Variants in VPS13A observed in about 807,000 individuals in gnomAD.
VPS13A encodes the protein vacuolar protein sorting 13 homolog A.
A neutral mutation model predicts 390.9 loss-of-function variants in VPS13A; 264 were observed. The ratio of observed to expected loss-of-function variants is 0.68; its 90% CI spans 0.61 to 0.75. VPS13A has a LOEUF of 0.75. Among genes scored for constraint, VPS13A ranks in the 30% least tolerant of loss-of-function variants. The probability of loss-of-function intolerance (pLI) is 0.00; values close to 1 mark genes in which losing one functional copy is unlikely to be tolerated. For missense variants in VPS13A, 3,409 were observed against 3,733.9 expected (o/e 0.91, Z 2.27); for synonymous variants, 1,231 against 1,227.1 (o/e 1.00, Z -0.07).
chr9:77,414,003 G>A (rs1408288086), intron 71 of VPS13A, among the ~76,000 whole-genome samples: 1 of 152,162 alleles, frequency 6.6e-6, no homozygotes, highest in Admixed American at 6.5e-5. Context: ...TCACATCACT[G>A]GCCATCAGAG....
chr9:77,186,382 ATCTGAGT>A (rs1430008383), intron 1 of VPS13A, among the ~76,000 whole-genome samples: 5 of 152,160 alleles, frequency 3.3e-5, no homozygotes, highest in African/African-American at 1.2e-4. Context: ...GCTCCTGTGA[ATCTGAGT>A]TTTTGGTTTA....
rs1400880109 is a variant in VPS13A at position 77,307,967 on chromosome 9, T to C, written c.3983T>C (p.Ile1328Thr). Reference sequence around the variant, plus strand: ...CAGTTCATTCTTAGTCAAGAAGATATAACAACTATTTTTAAAACATTGCAT... The same window carrying C: ...CAGTTCATTCTTAGTCAAGAAGATACAACAACTATTTTTAAAACATTGCAT... Reference protein sequence around the residue: ...PMEFILSQEDITTIFKTLHGN... With the variant: ...PMEFILSQEDTTTIFKTLHGN... The change falls in exon 35 of 72, where the codon ATA (isoleucine) becomes ACA (threonine). Residue 1328 changes from isoleucine to threonine, a missense_variant. By Grantham distance (89) the Ile-to-Thr change is moderately conservative. Around this residue, in one of 5 missense-constraint regions of VPS13A, gnomAD observed 2,717 missense variants for 2,917.4 expected, o/e 0.93. Transcript: ENST00000360280. 5.0e-6 allele frequency: 8 copies of C among 1,594,228 alleles called. No homozygotes were observed. The highest frequency in any genetic ancestry group is 1.3e-5 in the African/African-American group (1 of 74,654).
chr9:77,210,679 T>G lies in VPS13A; in HGVS notation c.555+4T>G, dbSNP rs753300394. The G allele has an allele frequency of 6.2e-6, 10 of 1,613,356 alleles. No individual in the cohort carries two copies. Among genetic ancestry groups the G allele is most frequent in the East Asian group, 4.5e-5 (2 of 44,872 alleles). ...CCTTCAAAATCTGAGCATGCAGGTATTTTGTTTATAAAAGAATCTTAACCA... is the reference window on the plus strand; with the variant it reads ...CCTTCAAAATCTGAGCATGCAGGTAGTTTGTTTATAAAAGAATCTTAACCA... On this transcript the variant is annotated splice_donor_region_variant and intron_variant, in intron 7 of 71. Coordinates refer to ENST00000360280, the MANE Select transcript of VPS13A (RefSeq NM_033305.3).
chr9:77,295,836 C>T lies in VPS13A; in HGVS notation c.3802C>T (p.Arg1268Ter), dbSNP rs868638442. 3.7e-6 allele frequency: 6 copies of T among 1,613,362 alleles called. No homozygotes were observed. The African/African-American group carries it at 4.0e-5, about 11-fold the overall frequency. ...GATAACAATAAAGCTGAGTGAAATGCGACTATACAGGTAAGCTTTTCACAA... is the reference window on the plus strand; with the variant it reads ...GATAACAATAAAGCTGAGTGAAATGTGACTATACAGGTAAGCTTTTCACAA... Reference protein sequence around the residue: ...DLITIKLSEMRLYRSRFINDA... With the variant: ...DLITIKLSEM Residue 1268 changes from arginine (R) to a stop codon, truncating the protein, a stop_gained, in exon 33 of 72, where the codon CGA becomes TGA. Coordinates refer to ENST00000360280, the MANE Select transcript of VPS13A (RefSeq NM_033305.3). LOFTEE classifies it high-confidence loss of function.
intron 59 of VPS13A, among the ~76,000 whole-genome samples, chr9:77,362,374 C>A (rs946327560): frequency 2.6e-5 from 4 of 152,234 alleles, no homozygotes; most frequent in African/African-American, 9.6e-5. Context: ...ATCCAGTTGT[C>A]CTATTACCAT....
rs528430538 is a variant in VPS13A at position 77,237,111 on chromosome 9, A to C, written c.1596-891A>C. 2.4e-4 allele frequency among the ~76,000 whole-genome samples: 36 copies of C among 152,020 alleles called. 1 individual carries two copies. The South Asian group carries it at 6.9e-3, about 29-fold the overall frequency. ...CACCATGTTGGCCAGGATGGTCTCGATCTCTTGACCTCGTGATCCGCCTGC... is the reference window on the plus strand; with the variant it reads ...CACCATGTTGGCCAGGATGGTCTCGCTCTCTTGACCTCGTGATCCGCCTGC... On this transcript the variant is annotated intron_variant, in intron 17 of 71. Coordinates refer to ENST00000360280, the MANE Select transcript of VPS13A (RefSeq NM_033305.3).
rs554972340 is a variant in VPS13A, at chr9:77,346,735, C to T, written c.7289+1593C>T. ...ATGAGAATCCAATTTTATTCTTCTA[C>T]ATGTGGCTTGCCCACGATCCCAGTA... On this transcript the variant is annotated intron_variant, in intron 52 of 71. Coordinates refer to ENST00000360280, the MANE Select transcript of VPS13A (RefSeq NM_033305.3). Among the ~76,000 whole-genome samples the T allele has an allele frequency of 2.0e-5, 3 of 152,342 alleles. No individual in the cohort carries two copies. In the East Asian group the frequency reaches 5.8e-4, roughly 29 times the overall value.
chr9:77,310,902 A>C (rs539968950), intron 35 of VPS13A, among the ~76,000 whole-genome samples: 183 of 152,154 alleles, frequency 1.2e-3, no homozygotes, highest in Non-Finnish European at 2.1e-3. Context: ...TAATGAACCC[A>C]CATGTACTCA....
At chr9:77,300,931 A>G (rs1828310019) in intron 33 of VPS13A, among the ~76,000 whole-genome samples, 1 of 152,246 alleles carries the variant, frequency 6.6e-6, no homozygotes, top group African/African-American at 2.4e-5. Context: ...AGATGAACAT[A>G]GTTCCTGCCC....
intron 58 of VPS13A, 86 bp downstream of exon 58, chr9:77,359,488 A>C: frequency 8.6e-6 from 10 of 1,159,312 alleles, no homozygotes; most frequent in Non-Finnish European, 1.2e-5. Flanking sequence ...ATGTTGGACA[A>C]GTCAAAGATT....
At chr9:77,342,546 TTCTC>T (rs1437995289) in intron 50 of VPS13A, among the ~76,000 whole-genome samples, 1 of 152,172 alleles carries the variant, frequency 6.6e-6, no homozygotes, top group Non-Finnish European at 1.5e-5. Flanking sequence ...TAGTGACACA[TTCTC>T]TTTCTGATGG....
At chr9:77,262,217 G>A (rs1288522052) in intron 23 of VPS13A, among the ~76,000 whole-genome samples, 2 of 151,206 alleles carry the variant, frequency 1.3e-5, no homozygotes, top group African/African-American at 2.4e-5. Flanking sequence ...AGGCAGAAGC[G>A]TTTTATTTTT....
intron 71 of VPS13A, among the ~76,000 whole-genome samples, chr9:77,414,105 A>G (rs1158254495): frequency 1.3e-5 from 2 of 152,202 alleles, no homozygotes; most frequent in Non-Finnish European, 2.9e-5. Context: ...GCTGGAGAGG[A>G]TGTGGAGAAA....
intron 19 of VPS13A, among the ~76,000 whole-genome samples, chr9:77,243,871 A>G (rs1004789885): frequency 1.3e-5 from 2 of 152,200 alleles, no homozygotes; most frequent in African/African-American, 4.8e-5. Flanking sequence ...TAATTTTGAT[A>G]GGTATGTTTA....
intron 61 of VPS13A, among the ~76,000 whole-genome samples, 189 bp downstream of exon 61, chr9:77,367,061 A>G (rs1832471767): frequency 6.6e-6 from 1 of 152,238 alleles, no homozygotes; most frequent in African/African-American, 2.4e-5. Context: ...TTGCTAAATT[A>G]CAGAATTATT....
rs183474739 is a variant in VPS13A at position 77,189,736 on chromosome 9, A to G, written c.101-10209A>G. ...ATTTTGATTCTTCCTGTCTATGAGC[A>G]TGGAATGTTTTTCCATTTGTTTGTG... On this transcript the variant is annotated intron_variant, in intron 1 of 71. Coordinates refer to ENST00000360280, the MANE Select transcript of VPS13A (RefSeq NM_033305.3). 4.8e-3 allele frequency among the ~76,000 whole-genome samples: 733 copies of G among 152,272 alleles called. 6 individuals carry two copies. The highest frequency in any genetic ancestry group is 4.5e-3 in the Non-Finnish European group (304 of 68,018).
intron 1 of VPS13A, among the ~76,000 whole-genome samples, chr9:77,182,401 A>G (rs1824076508): frequency 6.6e-6 from 1 of 152,140 alleles, no homozygotes; most frequent in South Asian, 2.1e-4. Context: ...GCCATTTCAC[A>G]TATTTTCTTT....
At chr9:77,220,166 A>G (rs770695733) in intron 11 of VPS13A, 85 bp downstream of exon 11, 44 of 1,512,602 alleles carry the variant, frequency 2.9e-5, no homozygotes, top group Middle Eastern at 1.9e-4. Flanking sequence ...ACTAAAATTC[A>G]TGATGTTATA....
At chr9:77,280,618 A>G (rs12351626) in intron 27 of VPS13A, among the ~76,000 whole-genome samples, 6,240 of 152,200 alleles carry the variant, frequency 0.041, 208 homozygotes, top group African/African-American at 0.092. Flanking sequence ...CCTAGGGTCA[A>G]TAACTCCATT....
Sources: allele counts gnomAD v4.1 joint callset (sites outside exome capture counted in the v4.1 genomes callset), GRCh38; gene constraint gnomAD v4.1.1; regional missense constraint gnomAD v4.1.1; transcripts MANE v1.5; gene names NCBI Gene and HGNC (gene_info 2026-07-23, HGNC 2026-07-21).